Variants in RALGAPA1 observed in about 807,000 individuals in gnomAD.
RALGAPA1 encodes the protein ral GTPase-activating protein subunit alpha-1.
RALGAPA1 carries 52 observed loss-of-function variants against 269.6 expected under a neutral mutation model. The observed-to-expected ratio is 0.19, with a 90% CI of 0.15 to 0.24. The LOEUF is 0.24. Ranked by LOEUF, RALGAPA1 falls within the 10% of genes least tolerant of loss-of-function variation. RALGAPA1 has a pLI of 1.00. For synonymous variants in RALGAPA1, 817 were observed against 1,008.3 expected (o/e 0.81, Z 3.60); for missense variants, 1,917 against 3,013.9 (o/e 0.64, Z 8.52).
At chr14:35,710,279 T>C (rs1029616668) in intron 16 of RALGAPA1, among the ~76,000 whole-genome samples, 1 of 152,220 alleles carries the variant, frequency 6.6e-6, no homozygotes, top group Non-Finnish European at 1.5e-5. Context: ...TTTTTTTCTT[T>C]GAAATGGAGT....
At position 35,703,705 on chromosome 14, in the gene RALGAPA1, A is replaced by G. The variant is rs367759349; in HGVS notation, c.2267-3403T>C. On this transcript the variant is annotated intron_variant, in intron 16 of 41. Coordinates refer to ENST00000680220, the MANE Select transcript of RALGAPA1 (RefSeq NM_001346249.2). ...ACACTTAGTTACTGACATTTCTATT[A>G]GCACATACATTCCTAAGACACATAC... 8.5e-5 allele frequency among the ~76,000 whole-genome samples: 13 copies of G among 152,320 alleles called. No homozygotes were observed. In the South Asian group the frequency reaches 1.7e-3, roughly 19 times the overall value.
chr14:35,549,088 T>C (rs1489406448), intron 40 of RALGAPA1, 22 bp downstream of exon 40: 1 of 1,610,278 alleles, frequency 6.2e-7, no homozygotes, highest in Admixed American at 1.7e-5. Context: ...AACAAGTAAC[T>C]AATACTCGCT....
At chr14:35,725,757 T>C (rs2069842652) in intron 13 of RALGAPA1, among the ~76,000 whole-genome samples, 2 of 151,972 alleles carry the variant, frequency 1.3e-5, no homozygotes, top group Non-Finnish European at 2.9e-5. Context: ...TCTCAGCTAC[T>C]CAGGAGGCTG....
At position 35,775,733 on chromosome 14, in the gene RALGAPA1, G is replaced by A. The variant is rs1431143653; in HGVS notation, c.119C>T (p.Ser40Phe). 1.9e-6 allele frequency: 3 copies of A among 1,538,494 alleles called. No individual in the cohort carries two copies. The highest frequency in any genetic ancestry group is 4.9e-5 in the East Asian group (2 of 40,940). ...HLRIVIENAESIDLKQFFDQH... is the reference protein window; with the variant it reads ...HLRIVIENAEFIDLKQFFDQH... The stretch of plus-strand genomic sequence containing the variant: ...GTCGAAAAACTGTTTAAGATCAATA[G>A]ATTCTGCATTCTCTGAAAAATAAAA... Residue 40 changes from serine to phenylalanine, a missense_variant, in exon 2 of 42, where the codon TCT becomes TTT. By Grantham distance (155) the Ser-to-Phe change is radical. Around this residue, in one of 11 missense-constraint regions of RALGAPA1, gnomAD observed 462 missense variants for 725.6 expected, o/e 0.64. Transcript: ENST00000680220.
chr14:35,733,310 T>C (rs1034814242), intron 12 of RALGAPA1, among the ~76,000 whole-genome samples: 1 of 152,042 alleles, frequency 6.6e-6, no homozygotes, highest in African/African-American at 2.4e-5. Flanking sequence ...AAACCCCGTC[T>C]CTACTAAAAA....
At chr14:35,634,470 AAAGT>A in intron 33 of RALGAPA1, 100 bp downstream of exon 33, 1 of 875,332 alleles carries the variant, frequency 1.1e-6, no homozygotes, top group Non-Finnish European at 1.7e-6. Flanking sequence ...AAACAACTAC[AAAGT>A]AAGACATACT....
At chr14:35,548,608 C>A in intron 40 of RALGAPA1, 70 bp from the exon 41 acceptor site, 4 of 1,038,544 alleles carry the variant, frequency 3.9e-6, no homozygotes, top group South Asian at 3.2e-5. Context: ...GGCCACGAGT[C>A]ATTTATTTTC....
intron 37 of RALGAPA1, among the ~76,000 whole-genome samples, chr14:35,593,807 T>C (rs975804194): frequency 1.3e-5 from 2 of 152,026 alleles, no homozygotes; most frequent in Admixed American, 6.6e-5. Flanking sequence ...TGAACTGTGA[T>C]TGCACCACTG....
chr14:35,755,473 T>G (rs1384125117), intron 7 of RALGAPA1, among the ~76,000 whole-genome samples: 1 of 152,226 alleles, frequency 6.6e-6, no homozygotes, highest in African/African-American at 2.4e-5. Flanking sequence ...TTCATTAAAC[T>G]GTAAATTTCA....
At chr14:35,648,732 A>G (rs1023249632) in intron 31 of RALGAPA1, among the ~76,000 whole-genome samples, 2 of 152,110 alleles carry the variant, frequency 1.3e-5, no homozygotes, top group Admixed American at 1.3e-4. Flanking sequence ...TGGGAGGTGG[A>G]GGTTGCAGTG....
At chr14:35,658,248 T>C (rs996647694) in intron 28 of RALGAPA1, among the ~76,000 whole-genome samples, 4 of 152,198 alleles carry the variant, frequency 2.6e-5, no homozygotes, top group Admixed American at 1.3e-4. Context: ...GAGAAAAATA[T>C]ACAATTAAAT....
chr14:35,540,995 G>A (rs1017143860), intron 41 of RALGAPA1, among the ~76,000 whole-genome samples: 3 of 148,674 alleles, frequency 2.0e-5, no homozygotes, highest in Non-Finnish European at 4.4e-5. Flanking sequence ...AGATCCTATT[G>A]AGATGTCTTA....
intron 27 of RALGAPA1, among the ~76,000 whole-genome samples, chr14:35,664,139 T>C (rs1311284944): frequency 6.6e-6 from 1 of 152,118 alleles, no homozygotes; most frequent in Non-Finnish European, 1.5e-5. Flanking sequence ...CTGGCAACTG[T>C]ATAGTCACAT....
At chr14:35,749,487 G>A (rs192698690) in intron 9 of RALGAPA1, among the ~76,000 whole-genome samples, 148 of 152,128 alleles carry the variant, frequency 9.7e-4, no homozygotes, top group African/African-American at 2.8e-3. Flanking sequence ...ACTATTCTGT[G>A]GTATAAATTA....
chr14:35,554,592 C>T (rs967551024), intron 39 of RALGAPA1, among the ~76,000 whole-genome samples: 50 of 151,700 alleles, frequency 3.3e-4, no homozygotes, highest in Non-Finnish European at 5.9e-4. Context: ...GTGATCCGCC[C>T]GCCTCGGCCT....
rs762493195 is a variant in RALGAPA1, at chr14:35,683,954, C to T, written c.4326G>A (p.Thr1442=). ...NFGFGTDTGV[T]SSADVDSGSG... is the part of the protein sequence containing the mutation. Reference sequence around the variant, plus strand: ...AACCTGAATCCACATCAGCAGAGGACGTAACCCCAGTGTCGGTTCCAAAGC... The same window carrying T: ...AACCTGAATCCACATCAGCAGAGGATGTAACCCCAGTGTCGGTTCCAAAGC... The change falls in exon 21 of 42, where the codon ACG becomes ACA. Residue 1442 remains threonine, a synonymous_variant. Transcript: ENST00000680220. The T allele has an allele frequency of 5.6e-6, 9 of 1,612,248 alleles. No individual in the cohort carries two copies. Among genetic ancestry groups the T allele is most frequent in the South Asian group, 2.2e-5 (2 of 90,724 alleles).
At chr14:35,596,278 A>T (rs1438339141) in intron 36 of RALGAPA1, among the ~76,000 whole-genome samples, 2 of 152,082 alleles carry the variant, frequency 1.3e-5, no homozygotes, top group Non-Finnish European at 2.9e-5. Flanking sequence ...AGTTACATTT[A>T]AAAAACAACA....
chr14:35,557,102 G>A lies in RALGAPA1; in HGVS notation c.7497-7868C>T, dbSNP rs868259537. On this transcript the variant is annotated intron_variant, in intron 39 of 41. Transcript: ENST00000680220. ...TAATATGATTATCCAATATGTATGTGTGTGTGTGTGTGTGTGTGTGTGTGT... is the reference window on the plus strand; with the variant it reads ...TAATATGATTATCCAATATGTATGTATGTGTGTGTGTGTGTGTGTGTGTGT... Among the ~76,000 whole-genome samples, 31 of 67,858 alleles carry A rather than the reference G, an allele frequency of 4.6e-4. No homozygotes were observed. In the African/African-American group the frequency reaches 6.5e-3, roughly 14 times the overall value. 44.5% of individuals were successfully genotyped at this position (67,858 alleles called of 152,430 possible).
intron 1 of RALGAPA1, 68 bp downstream of exon 1, chr14:35,808,662 G>A (rs1256982660): frequency 6.6e-7 from 1 of 1,522,536 alleles, no homozygotes; most frequent in Non-Finnish European, 8.9e-7. Flanking sequence ...GAGAGAGTCC[G>A]CAGGGGCTCC....
Sources: allele counts gnomAD v4.1 joint callset (sites outside exome capture counted in the v4.1 genomes callset), GRCh38; gene constraint gnomAD v4.1.1; regional missense constraint gnomAD v4.1.1; transcripts MANE v1.5; gene names NCBI Gene and HGNC (gene_info 2026-07-23, HGNC 2026-07-21).